The following ZNF682 variants were observed in gnomAD, a reference collection of about 807,000 sequenced individuals.
The protein encoded by ZNF682 is zinc finger protein 682.
ZNF682 carries 29 observed loss-of-function variants against 36.5 expected under a neutral mutation model. The ratio of observed to expected loss-of-function variants is 0.80; its 90% CI spans 0.59 to 1.08. ZNF682 has a LOEUF of 1.08. Among genes scored for constraint, ZNF682 ranks in the 50% least tolerant of loss-of-function variants. ZNF682 has a pLI of 0.00. For missense variants in ZNF682, 561 were observed against 579.7 expected (o/e 0.97, Z 0.33); for synonymous variants, 180 against 197.0 (o/e 0.91, Z 0.72).
chr19:20,014,952 GGTCA>G (rs1376741612), intron 3 of ZNF682, among the ~76,000 whole-genome samples: 2 of 152,044 alleles, frequency 1.3e-5, no homozygotes, highest in Admixed American at 6.6e-5. Flanking sequence ...GTTTGTAAAG[GGTCA>G]GTCAAGGGGG....
Position 20,005,160 on chromosome 19 carries a change from C to A in ZNF682, c.*845G>T, listed in dbSNP as rs1344847475. On this transcript the variant is annotated 3_prime_UTR_variant, in exon 4 of 4. Transcript: ENST00000397165. ...CGCGATCTCGGCTCACTGCAAGCTC[C>A]GCCTCTCGGGTTCACGCCATTCTCC... is the stretch of plus-strand genomic sequence containing the variant. The A allele has an allele frequency of 6.6e-6, 1 of 151,994 alleles. No individual in the cohort carries two copies. The highest frequency in any genetic ancestry group is 1.5e-5 in the Non-Finnish European group (1 of 68,022). 9.4% of individuals were successfully genotyped at this position (151,994 alleles called of 1,614,324 possible).
chr19:20,036,911 A>G (rs2088535996), intron 1 of ZNF682, among the ~76,000 whole-genome samples: 2 of 151,950 alleles, frequency 1.3e-5, no homozygotes, highest in African/African-American at 4.8e-5. Flanking sequence ...CTTAAGCCCA[A>G]GAGTTCAAGG....
intron 1 of ZNF682, among the ~76,000 whole-genome samples, chr19:20,037,187 C>T (rs889975393): frequency 6.6e-6 from 1 of 152,106 alleles, no homozygotes; most frequent in Admixed American, 6.6e-5. Flanking sequence ...GCGTTGGGCA[C>T]ACTGTGTGCA....
chr19:20,024,384 A>C lies in ZNF682; in HGVS notation c.4-8T>G. On this transcript the variant is annotated splice_region_variant and splice_polypyrimidine_tract_variant and intron_variant, in intron 1 of 3. Coordinates refer to ENST00000397165, the MANE Select transcript of ZNF682 (RefSeq NM_033196.3). ...CCTGAATGTCAACAGTTCCTGAAAA[A>C]CAAAACAAAACATAGTGACCAACTG... 6.2e-7 allele frequency: 1 copy of C among 1,603,694 alleles called. No homozygotes were observed. The highest frequency in any genetic ancestry group is 8.5e-7 in the Non-Finnish European group (1 of 1,176,708).
rs1446331446 is a variant in ZNF682 at position 20,006,275 on chromosome 19, G to A, written c.1227C>T (p.Ser409=). ...CEECGKAFNW[S]SILTEHKRIH... ...TTCTCTTATGTTCAGTAAGGATTGA[G>A]GACCAGTTAAAAGCTTTGCCACATT... Residue 409 remains serine, a synonymous_variant, in exon 4 of 4, where the codon TCC becomes TCT. Transcript: ENST00000397165. The A allele has an allele frequency of 1.2e-6, 2 of 1,613,604 alleles. No homozygotes were observed. The highest frequency in any genetic ancestry group is 1.3e-5 in the African/African-American group (1 of 75,028).
intron 3 of ZNF682, among the ~76,000 whole-genome samples, chr19:20,011,340 T>TA (rs1568539906): frequency 6.6e-6 from 1 of 151,850 alleles, no homozygotes; most frequent in Non-Finnish European, 1.5e-5. Flanking sequence ...TTACTGGACC[T>TA]AAAAAAAAGA....
At chr19:19,997,631 A>G (rs1889340913) in intron 3 of ZNF682, among the ~76,000 whole-genome samples, 1 of 152,194 alleles carries the variant, frequency 6.6e-6, no homozygotes, top group Non-Finnish European at 1.5e-5. Flanking sequence ...GGTAGAAAAC[A>G]GTTTCCCTGG....
chr19:20,023,170 G>A, intron 2 of ZNF682, 71 bp from the exon 3 acceptor site: 3 of 1,326,510 alleles, frequency 2.3e-6, no homozygotes, highest in Non-Finnish European at 3.2e-6. Flanking sequence ...GTTGTGCTCT[G>A]TAGATAAGAG....
chr19:20,026,453 C>T (rs1351930332), intron 1 of ZNF682, among the ~76,000 whole-genome samples: 1 of 152,010 alleles, frequency 6.6e-6, no homozygotes, highest in Admixed American at 6.6e-5. Flanking sequence ...ATTGATGTGA[C>T]ACAAAGAGAA....
intron 3 of ZNF682, among the ~76,000 whole-genome samples, chr19:19,999,166 T>C (rs926541017): frequency 2.6e-5 from 4 of 152,178 alleles, no homozygotes; most frequent in African/African-American, 9.6e-5. Context: ...TGATCCCACA[T>C]TTCCAACCCC....
At chr19:20,009,761 C>G (rs1347783077) in intron 3 of ZNF682, among the ~76,000 whole-genome samples, 3 of 152,116 alleles carry the variant, frequency 2.0e-5, no homozygotes, top group African/African-American at 7.2e-5. Flanking sequence ...TGGCTCACGT[C>G]TGTAATCCGA....
rs760317456 is a variant in ZNF682 at position 20,006,257 on chromosome 19, A to G, written c.1245T>C (p.His415=). The change falls in exon 4 of 4, where the codon CAT becomes CAC. Residue 415 remains histidine, a synonymous_variant. Coordinates refer to ENST00000397165, the MANE Select transcript of ZNF682 (RefSeq NM_033196.3). Reference sequence around the variant, plus strand: ...GTTTCTCTCCAGTATGAATTCTCTTATGTTCAGTAAGGATTGAGGACCAGT... The same window carrying G: ...GTTTCTCTCCAGTATGAATTCTCTTGTGTTCAGTAAGGATTGAGGACCAGT... The part of the protein sequence containing the change: ...AFNWSSILTE[H]KRIHTGEKPY... 1.2e-4 allele frequency: 201 copies of G among 1,613,486 alleles called. No individual in the cohort carries two copies. Among genetic ancestry groups the G allele is most frequent in the Non-Finnish European group, 1.6e-4 (188 of 1,179,956 alleles).
Position 20,007,039 on chromosome 19 carries a change from TA to T in ZNF682, c.462del (p.Phe154LeufsTer7). On this transcript the variant is annotated frameshift_variant, in exon 4 of 4. Transcript: ENST00000397165. LOFTEE classifies it low-confidence loss of function (END_TRUNC). The stretch of plus-strand genomic sequence containing the variant: ...TCTCTATTTAGATTTGATGATTTAC[TA>T]AAGACTTTCACACATTTATTATATG... ...IFPYNKCVKV[F>X]SKSSNLNREN... 6.2e-7 allele frequency: 1 copy of T among 1,613,620 alleles called. No homozygotes were observed. Among genetic ancestry groups the T allele is most frequent in the Non-Finnish European group, 8.5e-7 (1 of 1,179,828 alleles).
intron 3 of ZNF682, among the ~76,000 whole-genome samples, chr19:20,020,003 G>A (rs1338684248): frequency 6.8e-6 from 1 of 146,154 alleles, no homozygotes; most frequent in African/African-American, 2.5e-5. Context: ...CTTGAGCCCA[G>A]GAGTTCAAGG....
In ZNF682 at chr19:20,006,046, A is replaced by G. The variant is rs1568536667; in HGVS notation, c.1456T>C (p.Cys486Arg). 2 of 1,607,384 alleles carry G rather than the reference A, an allele frequency of 1.2e-6. No homozygotes were observed. Among genetic ancestry groups the G allele is most frequent in the East Asian group, 2.2e-5 (1 of 44,722 alleles). ...RGEKSCKYKK[C>R]GEAFNHCSNL... is the part of the protein sequence containing the mutation. ...GAGCAGTGATTAAAAGCTTCCCCAC[A>G]TTTTTTATACTTGCAGGATTTCTCT... Residue 486 changes from cysteine to arginine, a missense_variant, in exon 4 of 4, where the codon TGT becomes CGT. Coordinates refer to ENST00000397165, the MANE Select transcript of ZNF682 (RefSeq NM_033196.3).
intron 3 of ZNF682, among the ~76,000 whole-genome samples, chr19:20,014,061 A>G (rs182324560): frequency 6.6e-6 from 1 of 152,346 alleles, no homozygotes; most frequent in East Asian, 1.9e-4. Flanking sequence ...TGCCCAAAGT[A>G]ATGTTCAGAT....
At chr19:20,034,214 A>G (rs904023847) in intron 1 of ZNF682, 1 of 152,250 alleles carries the variant, frequency 6.6e-6, no homozygotes, top group Non-Finnish European at 1.5e-5. Context: ...AAGAACAGAT[A>G]CATATTCTAT....
At chr19:20,007,489 C>A in intron 3 of ZNF682, 1 of 482,156 alleles carries the variant, frequency 2.1e-6, no homozygotes, top group African/African-American at 2.0e-5. Flanking sequence ...AGAGGTAATG[C>A]AGAAACTGTG....
chr19:20,025,808 C>T (rs915386725), intron 1 of ZNF682, among the ~76,000 whole-genome samples: 1 of 152,138 alleles, frequency 6.6e-6, no homozygotes, highest in Admixed American at 6.6e-5. Flanking sequence ...AAATTATAAC[C>T]TGAATCTAAG....
Sources: allele counts gnomAD v4.1 joint callset (sites outside exome capture counted in the v4.1 genomes callset), GRCh38; gene constraint gnomAD v4.1.1; transcripts MANE v1.5; gene names NCBI Gene and HGNC (gene_info 2026-07-23, HGNC 2026-07-21).